The following TBCE variants were observed in gnomAD, a reference collection of about 807,000 sequenced individuals.
TBCE encodes tubulin-specific chaperone E.
A neutral mutation model predicts 77.0 loss-of-function variants in TBCE; 53 were observed. The ratio of observed to expected loss-of-function variants is 0.69; its 90% confidence interval spans 0.55 to 0.87. The LOEUF (loss-of-function observed/expected upper bound fraction) is 0.87, where lower values mean the gene tolerates loss of function less well. TBCE is among the 40% of genes least tolerant of loss of function. The pLI is 0.00. For missense variants in TBCE, 624 were observed against 622.4 expected, an observed-to-expected ratio of 1.00 and a Z score of -0.03; for synonymous variants, 235 against 241.3, an observed-to-expected ratio of 0.97 and a Z score of 0.24.
At chr1:235,392,238 C>T (rs1026948456) in intron 2 of TBCE, among the ~76,000 whole-genome samples, 13 of 151,514 alleles carry the variant, frequency 8.6e-5, no homozygotes, top group African/African-American at 3.1e-4. Context: ...GCCTGTAGCC[C>T]CAGCTACTTG....
chr1:235,424,192 C>T (rs547021398), intron 5 of TBCE, among the ~76,000 whole-genome samples: 8 of 152,226 alleles, frequency 5.3e-5, no homozygotes, highest in East Asian at 3.9e-4. Flanking sequence ...GCTGTGCCAC[C>T]GTTTGTTCTG....
intron 2 of TBCE, among the ~76,000 whole-genome samples, chr1:235,381,211 T>C (rs1164548196): frequency 6.6e-6 from 1 of 152,190 alleles, no homozygotes; most frequent in African/African-American, 2.4e-5. Context: ...TTGTTTCTTC[T>C]GAGCTGCAGC....
intron 2 of TBCE, among the ~76,000 whole-genome samples, chr1:235,391,650 A>T (rs1245186273): frequency 8.6e-6 from 1 of 116,478 alleles, no homozygotes; most frequent in East Asian, 2.6e-4. Flanking sequence ...TCTGTCACCC[A>T]GGCTGGAGTG....
chr1:235,450,411 T>TA lies in TBCE; in HGVS notation c.*1650dup. 1 of 1,521,804 alleles carries TA rather than the reference T, an allele frequency of 6.6e-7. No individual in the cohort carries two copies. Among genetic ancestry groups the TA allele is most frequent in the Non-Finnish European group, 9.1e-7 (1 of 1,104,218 alleles). 94.3% of individuals were successfully genotyped at this position (1,521,804 alleles called of 1,614,324 possible). On this transcript the variant is annotated 3_prime_UTR_variant, in exon 17 of 17. Coordinates refer to ENST00000642610, the MANE Select transcript of TBCE (RefSeq NM_003193.5). The stretch of plus-strand genomic sequence containing the variant: ...TTAAGAGCATCAGAAAGTATGCACG[T>TA]AGACAGCTTTTATGTATTCTAATGA...
chr1:235,443,868 G>T (rs886426537), intron 15 of TBCE, among the ~76,000 whole-genome samples: 13 of 152,156 alleles, frequency 8.5e-5, no homozygotes, highest in African/African-American at 2.9e-4. Flanking sequence ...TGTCAATAAA[G>T]TAGATCAACA....
At chr1:235,377,146 G>C (rs1232753294) in intron 1 of TBCE, among the ~76,000 whole-genome samples, 1 of 152,078 alleles carries the variant, frequency 6.6e-6, no homozygotes, top group Non-Finnish European at 1.5e-5. Context: ...TTTGAAAGTA[G>C]GATTCTTTTC....
intron 7 of TBCE, among the ~76,000 whole-genome samples, chr1:235,431,534 C>T (rs893714565): frequency 1.3e-5 from 2 of 148,732 alleles, no homozygotes; most frequent in African/African-American, 5.0e-5. Flanking sequence ...GCTAATTTTG[C>T]ATTTTTAGTA....
At position 235,448,361 on chromosome 1, in the gene TBCE, T is replaced by A. The variant is rs775747790; in HGVS notation, c.1412T>A (p.Ile471Asn). ...LEKQLPGSMT[I>N]QKVKGLLSRL... is the part of the protein sequence containing the mutation. The stretch of plus-strand genomic sequence containing the variant: ...TGTCTTTTGATAGGCTCCATGACAA[T>A]TCAAAAGGTGAAGGGATTGCTGTCA... Residue 471 changes from isoleucine to asparagine, a missense_variant, in exon 16 of 17, where the codon ATT becomes AAT. Coordinates refer to ENST00000642610, the MANE Select transcript of TBCE (RefSeq NM_003193.5). 2 of 1,613,986 alleles carry A rather than the reference T, an allele frequency of 1.2e-6. No individual in the cohort carries two copies. The highest frequency in any genetic ancestry group is 4.5e-5 in the East Asian group (2 of 44,896).
intron 2 of TBCE, among the ~76,000 whole-genome samples, chr1:235,397,200 CTT>C (rs34523932): frequency 1.5e-3 from 156 of 100,748 alleles, no homozygotes; most frequent in Middle Eastern, 4.8e-3. Flanking sequence ...GTCTCAATCT[CTT>C]TTTTTTTTTT....
chr1:235,378,387 A>T (rs1572320587), intron 1 of TBCE, among the ~76,000 whole-genome samples: 1 of 68,570 alleles, frequency 1.5e-5, no homozygotes, highest in Admixed American at 1.3e-4. Flanking sequence ...TGCCTGGCTA[A>T]TTTTTGTATT....
chr1:235,409,959 G>C (rs111228393), intron 3 of TBCE, among the ~76,000 whole-genome samples: 34 of 147,818 alleles, frequency 2.3e-4, no homozygotes, highest in African/African-American at 8.7e-4. Flanking sequence ...GAACCCGGGA[G>C]TTGGAGATTG....
intron 8 of TBCE, 21 bp from the exon 9 acceptor site, chr1:235,435,724 A>C (rs1681407118): frequency 6.2e-7 from 1 of 1,607,890 alleles, no homozygotes; most frequent in African/African-American, 1.3e-5. Flanking sequence ...TCACGGTGAA[A>C]AAATTTTATT....
chr1:235,432,908 T>G, intron 7 of TBCE: 1 of 916,686 alleles, frequency 1.1e-6, no homozygotes, highest in Non-Finnish European at 1.4e-6. Context: ...ATATAATAAT[T>G]TTTTGTAATT....
At chr1:235,372,676 G>T (rs1475008558) in intron 1 of TBCE, among the ~76,000 whole-genome samples, 4 of 151,980 alleles carry the variant, frequency 2.6e-5, no homozygotes, top group Non-Finnish European at 5.9e-5. Context: ...TGTAATTCCA[G>T]CACTTTGGGA....
chr1:235,418,479 C>A (rs1680220579), intron 4 of TBCE: 1 of 152,234 alleles, frequency 6.6e-6, no homozygotes, highest in Admixed American at 6.5e-5. Context: ...GCACAAGATT[C>A]TCTACACTTA....
chr1:235,391,215 C>T (rs909401587), intron 2 of TBCE, among the ~76,000 whole-genome samples: 5 of 151,910 alleles, frequency 3.3e-5, no homozygotes, highest in South Asian at 2.1e-4. Flanking sequence ...ATAAGCCAGG[C>T]GTGGTGGCTC....
At chr1:235,371,424 G>A (rs1426837619) in intron 1 of TBCE, among the ~76,000 whole-genome samples, 1 of 134,406 alleles carries the variant, frequency 7.4e-6, no homozygotes, top group Non-Finnish European at 1.5e-5. Context: ...CACCCAGGCT[G>A]TAGTGCACTG....
In TBCE at chr1:235,438,762, A is replaced by G. The variant is rs199775124; in HGVS notation, c.1117-7A>G. On this transcript the variant is annotated splice_region_variant and splice_polypyrimidine_tract_variant and intron_variant, in intron 12 of 16. Transcript: ENST00000642610. ...AATAGGCTTGTTTTTATGTCACATGAACATAGATTCTCCCCGAGGAGAGGC... is the reference window on the plus strand; with the variant it reads ...AATAGGCTTGTTTTTATGTCACATGGACATAGATTCTCCCCGAGGAGAGGC... The G allele has an allele frequency of 5.0e-6, 8 of 1,614,176 alleles. No homozygotes were observed. In the African/African-American group the frequency reaches 1.1e-4, roughly 22 times the overall value.
intron 4 of TBCE, among the ~76,000 whole-genome samples, chr1:235,418,096 C>T (rs4659857): frequency 0.66 from 100,705 of 152,166 alleles, 33,701 homozygotes; most frequent in African/African-American, 0.76. Flanking sequence ...ATTTGTTCTT[C>T]TGTGACTGGC....
Sources: allele counts gnomAD v4.1 joint callset (sites outside exome capture counted in the v4.1 genomes callset), GRCh38; gene constraint gnomAD v4.1.1; transcripts MANE v1.5; gene names NCBI Gene and HGNC (gene_info 2026-07-23, HGNC 2026-07-21).